MAOB: variants seen among roughly 807,000 people sequenced by gnomAD.
MAOB encodes monoamine oxidase B.
In MAOB, 15 loss-of-function variants were observed where a neutral mutation model predicts 41.9. That is an observed-to-expected ratio of 0.36 (90% CI 0.24 to 0.55). The LOEUF (loss-of-function observed/expected upper bound fraction) is 0.55. Among genes scored for constraint, MAOB ranks in the 20% least tolerant of loss-of-function variants. The pLI is 0.86. For missense variants in MAOB, 345 were observed against 398.7 expected (o/e 0.87, Z 1.15); for synonymous variants, 167 against 144.2 (o/e 1.16, Z -1.13).
intron 3 of MAOB, among the ~76,000 whole-genome samples, chrX:43,808,383 G>C (rs1296210660): frequency 9.0e-6 from 1 of 111,577 alleles, no homozygotes; most frequent in African/African-American, 3.3e-5. Context: ...ATCACCACCA[G>C]ATGACTTGAA....
intron 1 of MAOB, among the ~76,000 whole-genome samples, chrX:43,849,185 C>T (rs1602025238): frequency 1.8e-5 from 2 of 111,751 alleles, no homozygotes; most frequent in East Asian, 5.6e-4. Context: ...CGTGTGCCAG[C>T]TGCTATTCTA....
In MAOB at chrX:43,793,597, G is replaced by T. The variant is rs2147132842; in HGVS notation, c.769-19C>A. 8.6e-7 allele frequency: 1 copy of T among 1,164,717 alleles called. No homozygotes were observed. Among genetic ancestry groups the T allele is most frequent in the East Asian group, 3.0e-5 (1 of 32,820 alleles). On this transcript the variant is annotated intron_variant, in intron 7 of 14. Coordinates refer to ENST00000378069, the MANE Select transcript of MAOB (RefSeq NM_000898.5). ...ATTTAGCCTGAAAGAAAAGCAACAT[G>T]GTTAAACATTGTTGCCGTGTTGCTT...
chrX:43,854,152 A>G (rs993344774), intron 1 of MAOB, among the ~76,000 whole-genome samples: 5 of 111,942 alleles, frequency 4.5e-5, no homozygotes, highest in African/African-American at 1.6e-4. Flanking sequence ...CAGAAGCACT[A>G]TTTCGAGTGA....
At chrX:43,781,395 T>C (rs1310878083) in intron 9 of MAOB, 53 bp downstream of exon 9, 2 of 723,325 alleles carry the variant, frequency 2.8e-6, no homozygotes, top group Non-Finnish European at 3.9e-6. Flanking sequence ...TAATAGTATG[T>C]GATTATCTTG....
rs1373750502 is a variant in MAOB, at chrX:43,882,435, G to C, written c.-136C>G. 3.9e-6 allele frequency: 4 copies of C among 1,018,935 alleles called. No homozygotes were observed. Among genetic ancestry groups the C allele is most frequent in the Middle Eastern group, 3.4e-4 (1 of 2,945 alleles). The allele number at this position is 1,018,935 out of a possible 1,213,427, so 84.0% of individuals were successfully genotyped here. On this transcript the variant is annotated 5_prime_UTR_variant, in exon 1 of 15. Transcript: ENST00000378069. Reference sequence around the variant, plus strand: ...CGCTGCCCCCGTGCACCAGCGCCTCGGCGAGCCGCTATATTACCAGCCCCG... The same window carrying C: ...CGCTGCCCCCGTGCACCAGCGCCTCCGCGAGCCGCTATATTACCAGCCCCG...
rs1434284434 is a variant in MAOB, at chrX:43,838,851, G to C, written c.279+17C>G. ...TAGAGAAGTTTTCAAATCCTTCAAA[G>C]TCTGGCCTGATCTTACCTTTACATG... is the stretch of plus-strand genomic sequence containing the variant. On this transcript the variant is annotated intron_variant, in intron 3 of 14. Coordinates refer to ENST00000378069, the MANE Select transcript of MAOB (RefSeq NM_000898.5). The C allele has an allele frequency of 8.5e-7, 1 of 1,170,001 alleles. No homozygotes were observed. The highest frequency in any genetic ancestry group is 1.1e-6 in the Non-Finnish European group (1 of 875,641).
At chrX:43,802,721 T>A (rs1261004062) in intron 4 of MAOB, among the ~76,000 whole-genome samples, 1 of 109,063 alleles carries the variant, frequency 9.2e-6, no homozygotes, top group South Asian at 4.1e-4. Context: ...TAAGTGGGAG[T>A]TGAACAATGA....
intron 1 of MAOB, 96 bp downstream of exon 1, chrX:43,882,158 G>A (rs2035477365): frequency 2.6e-6 from 3 of 1,150,117 alleles, no homozygotes; most frequent in East Asian, 3.3e-5. Context: ...GGACTCCAGG[G>A]TCAGCCCCTG....
intron 1 of MAOB, among the ~76,000 whole-genome samples, chrX:43,876,430 T>C (rs971876770): frequency 8.9e-6 from 1 of 112,046 alleles, no homozygotes; most frequent in African/African-American, 3.2e-5. Context: ...GCAGAAATAA[T>C]ACATATTTGT....
intron 1 of MAOB, chrX:43,844,010 A>C: frequency 1.3e-6 from 1 of 763,383 alleles, no homozygotes; most frequent in Non-Finnish European, 1.7e-6. Flanking sequence ...ACTATATCAA[A>C]ATGTCTATTT....
chrX:43,817,153 T>C lies in MAOB; in HGVS notation c.280-13749A>G, dbSNP rs185078732. ...TCTTCTTCTTTTCTCTCTCTCTCTC[T>C]CTGCTATAGCTCTCTGTTTTAACTA... On this transcript the variant is annotated intron_variant, in intron 3 of 14. Coordinates refer to ENST00000378069, the MANE Select transcript of MAOB (RefSeq NM_000898.5). 7.4e-5 allele frequency among the ~76,000 whole-genome samples: 8 copies of C among 107,710 alleles called. No homozygotes were observed. In the Admixed American group the frequency reaches 8.1e-4, roughly 11 times the overall value. The allele number at this position is 107,710 out of a possible 115,157, so 93.5% of individuals were successfully genotyped here. A position where few individuals can be genotyped will look rare whatever the true frequency, so the allele number is the denominator to read the frequency against.
intron 3 of MAOB, among the ~76,000 whole-genome samples, chrX:43,808,697 T>TACAC (rs781415914): frequency 2.2e-5 from 2 of 91,477 alleles, no homozygotes; most frequent in Non-Finnish European, 4.3e-5. Context: ...TATCTACACA[T>TACAC]AGACACACAC....
chrX:43,793,658 G>T (rs748558334), intron 7 of MAOB, 80 bp from the exon 8 acceptor site: 2 of 825,914 alleles, frequency 2.4e-6, no homozygotes, highest in Non-Finnish European at 1.7e-6. Context: ...TCATTCTATC[G>T]TTATATTCTT....
chrX:43,868,759 T>C (rs2035381285), intron 1 of MAOB, among the ~76,000 whole-genome samples: 1 of 111,182 alleles, frequency 9.0e-6, no homozygotes, highest in South Asian at 3.9e-4. Context: ...GTAAAGCTCT[T>C]TCACGGCACC....
chrX:43,803,390 G>A lies in MAOB; in HGVS notation c.294C>T (p.Pro98=). 1 of 1,175,369 alleles carries A rather than the reference G, an allele frequency of 8.5e-7. No homozygotes were observed. The highest frequency in any genetic ancestry group is 1.1e-6 in the Non-Finnish European group (1 of 883,392). ...ATACAGGTGGGAATGGCCCCCTGAA[G>A]GGGTATGATTTGCCCTGTGAGATAC... ...LIHHVKGKSY[P]FRGPFPPVWN... is the part of the protein sequence containing the mutation. Residue 98 remains proline, a synonymous_variant, in exon 4 of 15, where the codon CCC becomes CCT. Transcript: ENST00000378069.
chrX:43,775,337 C>T (rs1373078827), intron 11 of MAOB, 65 bp from the exon 12 acceptor site: 9 of 1,157,739 alleles, frequency 7.8e-6, no homozygotes, highest in Non-Finnish European at 1.0e-5. Flanking sequence ...TAGAATAAAT[C>T]GAACAGTTTA....
intron 1 of MAOB, among the ~76,000 whole-genome samples, chrX:43,851,791 G>C (rs1367575991): frequency 2.7e-5 from 3 of 111,584 alleles, no homozygotes; most frequent in Admixed American, 9.6e-5. Flanking sequence ...TAGAAAAAGA[G>C]GACAACATGT....
At chrX:43,821,416 C>T (rs2034879087) in intron 3 of MAOB, among the ~76,000 whole-genome samples, 1 of 111,999 alleles carries the variant, frequency 8.9e-6, no homozygotes. Flanking sequence ...GCACCACTCT[C>T]CTATCCCGGC....
At chrX:43,776,961 A>G (rs989126011) in intron 11 of MAOB, among the ~76,000 whole-genome samples, 2 of 111,301 alleles carry the variant, frequency 1.8e-5, no homozygotes, top group African/African-American at 3.3e-5. Context: ...ATGGCTGCAT[A>G]GTATTCCATG....
Sources: allele counts gnomAD v4.1 joint callset (sites outside exome capture counted in the v4.1 genomes callset), GRCh38; gene constraint gnomAD v4.1.1; transcripts MANE v1.5; gene names NCBI Gene and HGNC (gene_info 2026-07-23, HGNC 2026-07-21).